Variants in SEMA5A observed in about 807,000 individuals in gnomAD.
SEMA5A encodes semaphorin 5A, also known as semaphorin-5A.
Under a neutral mutation model 135.5 loss-of-function variants are expected in SEMA5A, and 55 were observed. The ratio of observed to expected loss-of-function variants is 0.41; its 90% CI spans 0.33 to 0.51. SEMA5A has a LOEUF of 0.51. Among genes scored for constraint, SEMA5A ranks in the 20% least tolerant of loss-of-function variants. The pLI, the probability that SEMA5A is intolerant of heterozygous loss-of-function variation, is 0.37. For synonymous variants in SEMA5A, 580 were observed against 546.5 expected (o/e 1.06, Z -0.85); for missense variants, 1,290 against 1,419.9 (o/e 0.91, Z 1.47).
rs143898586 is a variant in SEMA5A, at chr5:9,156,535, G to A, written c.1274-1840C>T. Among the ~76,000 whole-genome samples the A allele has an allele frequency of 3.5e-3, 531 of 152,304 alleles. 2 individuals carry two copies. Among genetic ancestry groups the A allele is most frequent in the African/African-American group, 0.012 (517 of 41,554 alleles). Reference sequence around the variant, plus strand: ...CATTACACAAGAGGACATCATCTGAGACACATGTTAGGAGGGAGGCAGGGG... The same window carrying A: ...CATTACACAAGAGGACATCATCTGAAACACATGTTAGGAGGGAGGCAGGGG... On this transcript the variant is annotated intron_variant, in intron 11 of 22. Transcript: ENST00000382496.
intron 1 of SEMA5A, chr5:9,498,609 C>T (rs565171577): frequency 7.9e-5 from 12 of 152,176 alleles, no homozygotes; most frequent in African/African-American, 2.9e-4. Flanking sequence ...ATTTCCCAGC[C>T]GAGATATAGC....
At position 9,543,934 on chromosome 5, in the gene SEMA5A, T is replaced by C. The variant is rs74503924; in HGVS notation, c.-175+1650A>G. Among the ~76,000 whole-genome samples, 118 of 152,318 alleles carry C rather than the reference T, an allele frequency of 7.7e-4. 1 individual carries two copies. In the East Asian group the frequency reaches 0.022, roughly 28 times the overall value. On this transcript the variant is annotated intron_variant, in intron 1 of 22. Transcript: ENST00000382496. Reference sequence around the variant, plus strand: ...ATACAGGCACAGACAAGAAAATTATTTCAGTTATACATAACTTAATGGTAT... The same window carrying C: ...ATACAGGCACAGACAAGAAAATTATCTCAGTTATACATAACTTAATGGTAT...
At chr5:9,445,748 A>G (rs555966443) in intron 1 of SEMA5A, among the ~76,000 whole-genome samples, 6 of 152,228 alleles carry the variant, frequency 3.9e-5, no homozygotes, top group African/African-American at 1.4e-4. Context: ...ACACCTGGAG[A>G]CCAGTCCCAG....
At chr5:9,352,967 C>T (rs958187785) in intron 3 of SEMA5A, among the ~76,000 whole-genome samples, 1 of 149,524 alleles carries the variant, frequency 6.7e-6, no homozygotes, top group Non-Finnish European at 1.5e-5. Flanking sequence ...GAGTAAAAGG[C>T]TCAACAAATA....
At chr5:9,363,959 G>A (rs887937449) in intron 3 of SEMA5A, among the ~76,000 whole-genome samples, 1 of 152,212 alleles carries the variant, frequency 6.6e-6, no homozygotes, top group East Asian at 1.9e-4. Context: ...GTTCATGGGA[G>A]AAGCACAGTA....
At chr5:9,172,325 G>T (rs991012841) in intron 11 of SEMA5A, among the ~76,000 whole-genome samples, 1 of 152,172 alleles carries the variant, frequency 6.6e-6, no homozygotes, top group Non-Finnish European at 1.5e-5. Context: ...TCCTTGTGAC[G>T]ATTGCCATTT....
At chr5:9,316,875 A>G (rs777749835) in intron 5 of SEMA5A, among the ~76,000 whole-genome samples, 1 of 152,182 alleles carries the variant, frequency 6.6e-6, no homozygotes, top group Non-Finnish European at 1.5e-5. Flanking sequence ...TATAGTCACC[A>G]TGTCATACAA....
chr5:9,188,495 C>A (rs187855531), intron 11 of SEMA5A, among the ~76,000 whole-genome samples: 7 of 152,196 alleles, frequency 4.6e-5, no homozygotes, highest in South Asian at 2.1e-4. Context: ...CAGGTTGAGA[C>A]CTCAGGCTGC....
At chr5:9,318,237 T>C in intron 5 of SEMA5A, 135 bp downstream of exon 5, 1 of 699,088 alleles carries the variant, frequency 1.4e-6, no homozygotes. Context: ...CTTAGTCCCG[T>C]GGCCTGACCT....
At chr5:9,530,701 A>C (rs1160112269) in intron 1 of SEMA5A, among the ~76,000 whole-genome samples, 1 of 152,186 alleles carries the variant, frequency 6.6e-6, no homozygotes, top group African/African-American at 2.4e-5. Context: ...CTCAGACCTC[A>C]GCTGCACTCA....
At chr5:9,512,198 T>C (rs1384231530) in intron 1 of SEMA5A, 1 of 152,254 alleles carries the variant, frequency 6.6e-6, no homozygotes, top group Admixed American at 6.5e-5. Flanking sequence ...TAACTGATTA[T>C]TCTCAACCTC....
intron 5 of SEMA5A, among the ~76,000 whole-genome samples, chr5:9,285,967 A>T (rs1750774555): frequency 6.6e-6 from 1 of 152,242 alleles, no homozygotes; most frequent in Admixed American, 6.5e-5. Context: ...GCCAGATTTG[A>T]TCATTATATA....
At chr5:9,293,006 C>A (rs1052725804) in intron 5 of SEMA5A, among the ~76,000 whole-genome samples, 1 of 152,180 alleles carries the variant, frequency 6.6e-6, no homozygotes, top group Non-Finnish European at 1.5e-5. Flanking sequence ...GTGATCGAGG[C>A]GTTTCTTCTG....
intron 16 of SEMA5A, among the ~76,000 whole-genome samples, chr5:9,086,363 G>T (rs577669191): frequency 2.6e-5 from 4 of 152,232 alleles, no homozygotes; most frequent in African/African-American, 4.8e-5. Flanking sequence ...GAGGGACCTG[G>T]TGTGGGTCTG....
chr5:9,130,644 T>C (rs1415046127), intron 13 of SEMA5A, among the ~76,000 whole-genome samples: 3 of 152,198 alleles, frequency 2.0e-5, no homozygotes, highest in Non-Finnish European at 4.4e-5. Context: ...CCATTGAAAG[T>C]TGCCTCACAT....
chr5:9,303,369 G>T (rs1751708544), intron 5 of SEMA5A, among the ~76,000 whole-genome samples: 1 of 152,102 alleles, frequency 6.6e-6, no homozygotes, highest in South Asian at 2.1e-4. Flanking sequence ...ACCTGCCTCG[G>T]CCTCCCAAAG....
chr5:9,490,139 T>C (rs1561294168), intron 1 of SEMA5A, among the ~76,000 whole-genome samples: 4 of 152,162 alleles, frequency 2.6e-5, no homozygotes. Context: ...AATAAAAGCA[T>C]TTAACAAATA....
In SEMA5A at chr5:9,166,739, A is replaced by C. The variant is rs1456809366; in HGVS notation, c.1274-12044T>G. 2.6e-5 allele frequency among the ~76,000 whole-genome samples: 4 copies of C among 152,206 alleles called. No homozygotes were observed. In the East Asian group the frequency reaches 7.7e-4, roughly 29 times the overall value. ...ACTGCATTTCCTGTGAATAAAAACC[A>C]TATTACTTTTAAAACAAGAGTGCAA... On this transcript the variant is annotated intron_variant, in intron 11 of 22. Coordinates refer to ENST00000382496, the MANE Select transcript of SEMA5A (RefSeq NM_003966.3).
intron 1 of SEMA5A, among the ~76,000 whole-genome samples, chr5:9,446,972 A>G (rs773021707): frequency 1.3e-5 from 2 of 152,236 alleles, no homozygotes; most frequent in Admixed American, 6.5e-5. Context: ...GAGCTGAGGC[A>G]GACAAGTCTG....
Sources: gnomAD v4.1 joint callset for allele counts (sites outside exome capture counted in the v4.1 genomes callset) on GRCh38, gnomAD v4.1.1 for gene constraint, MANE v1.5 for transcripts, NCBI Gene and HGNC (gene_info 2026-07-23, HGNC 2026-07-21) for gene names.